RGS20: variants seen among roughly 807,000 people sequenced by gnomAD.
The protein encoded by RGS20 is gz-selective GTPase-activating protein.
A neutral mutation model predicts 33.6 loss-of-function variants in RGS20; 30 were observed. The ratio of observed to expected loss-of-function variants is 0.89; its 90% CI spans 0.67 to 1.21. The LOEUF is 1.21. RGS20 is among the 50% of genes most tolerant of loss of function. The pLI, the probability that RGS20 is intolerant of heterozygous loss-of-function variation, is 0.00. For missense variants in RGS20, 472 were observed against 502.4 expected, an observed-to-expected ratio of 0.94 and a Z score of 0.58; for synonymous variants, 208 against 197.9, an observed-to-expected ratio of 1.05 and a Z score of -0.43.
At chr8:53,902,309 T>A (rs1346721089) in intron 2 of RGS20, among the ~76,000 whole-genome samples, 1 of 152,214 alleles carries the variant, frequency 6.6e-6, no homozygotes, top group African/African-American at 2.4e-5. Context: ...CCCATTCTAC[T>A]ATTGATGAAC....
chr8:53,895,508 C>T (rs925379838), intron 2 of RGS20, among the ~76,000 whole-genome samples: 2 of 152,168 alleles, frequency 1.3e-5, no homozygotes, highest in African/African-American at 2.4e-5. Context: ...ATCTGCGCTT[C>T]CTTTTCTCAA....
At chr8:53,951,820 C>T (rs1431114456) in intron 4 of RGS20, among the ~76,000 whole-genome samples, 1 of 151,944 alleles carries the variant, frequency 6.6e-6, no homozygotes, top group East Asian at 2.0e-4. Flanking sequence ...AGTTTGAGGC[C>T]AGCCTGGCCA....
intron 2 of RGS20, among the ~76,000 whole-genome samples, chr8:53,888,512 G>A (rs1443283383): frequency 6.6e-6 from 1 of 152,130 alleles, no homozygotes; most frequent in Non-Finnish European, 1.5e-5. Flanking sequence ...ATTGAGGGGG[G>A]CTGTCCATTG....
intron 2 of RGS20, among the ~76,000 whole-genome samples, chr8:53,897,507 T>C (rs999530142): frequency 6.6e-6 from 1 of 152,258 alleles, no homozygotes; most frequent in African/African-American, 2.4e-5. Flanking sequence ...TATCTTTTAC[T>C]AAGCATACTT....
chr8:53,853,126 C>A (rs950494656), intron 1 of RGS20, among the ~76,000 whole-genome samples: 24 of 152,126 alleles, frequency 1.6e-4, no homozygotes, highest in African/African-American at 5.8e-4. Context: ...AATTAATGGA[C>A]ATCTTAATGT....
Position 53,880,982 on chromosome 8 carries a change from G to C in RGS20, c.510+1380G>C, listed in dbSNP as rs780622131. On this transcript the variant is annotated intron_variant, in intron 2 of 5. Transcript: ENST00000297313. ...GCCGACGTAGAGAGGGCAGCCCTCCGCGCTGCAATATTGAGAAGGCACCCG... is the reference window on the plus strand; with the variant it reads ...GCCGACGTAGAGAGGGCAGCCCTCCCCGCTGCAATATTGAGAAGGCACCCG... The C allele has an allele frequency of 2.5e-6, 4 of 1,590,150 alleles. No individual in the cohort carries two copies. The East Asian group carries it at 9.0e-5, about 36-fold the overall frequency.
chr8:53,873,938 C>T (rs998102167), intron 1 of RGS20, among the ~76,000 whole-genome samples: 7 of 152,158 alleles, frequency 4.6e-5, no homozygotes, highest in Non-Finnish European at 7.3e-5. Flanking sequence ...GTGGCTCACA[C>T]CTGTAATCCC....
intron 2 of RGS20, among the ~76,000 whole-genome samples, chr8:53,886,131 C>T (rs1467409264): frequency 6.6e-6 from 1 of 152,190 alleles, no homozygotes; most frequent in African/African-American, 2.4e-5. Flanking sequence ...CACTCTGAGT[C>T]AGAGCTTAGC....
intron 3 of RGS20, among the ~76,000 whole-genome samples, chr8:53,941,825 C>T (rs1471230828): frequency 6.6e-6 from 1 of 152,170 alleles, no homozygotes; most frequent in Admixed American, 6.5e-5. Flanking sequence ...ACTGATAGGA[C>T]TTTCTCAGTT....
intron 2 of RGS20, among the ~76,000 whole-genome samples, chr8:53,912,646 T>G (rs1813376576): frequency 2.0e-5 from 3 of 152,192 alleles, no homozygotes; most frequent in Non-Finnish European, 4.4e-5. Flanking sequence ...AACTGAACAT[T>G]TTTTCATAGG....
chr8:53,856,922 G>A (rs145090285), intron 1 of RGS20, among the ~76,000 whole-genome samples: 547 of 152,260 alleles, frequency 3.6e-3, no homozygotes, highest in South Asian at 0.011. Context: ...GCACCAAAGG[G>A]CAGCTACAAA....
intron 2 of RGS20, among the ~76,000 whole-genome samples, chr8:53,903,149 C>T (rs1720678398): frequency 6.6e-6 from 1 of 152,184 alleles, no homozygotes; most frequent in Non-Finnish European, 1.5e-5. Flanking sequence ...GCTGTGTTAT[C>T]AATATGGTAC....
intron 2 of RGS20, among the ~76,000 whole-genome samples, chr8:53,927,526 C>T (rs1020561971): frequency 6.6e-6 from 1 of 152,036 alleles, no homozygotes; most frequent in Admixed American, 6.6e-5. Flanking sequence ...TTTGAAATCC[C>T]ACACATGTTA....
At chr8:53,876,165 A>T (rs1480071112) in intron 1 of RGS20, 2 of 152,242 alleles carry the variant, frequency 1.3e-5, no homozygotes, top group Admixed American at 1.3e-4. Flanking sequence ...TTGAACTGTG[A>T]CTTTAATTCT....
intron 2 of RGS20, among the ~76,000 whole-genome samples, chr8:53,887,952 C>CT (rs1047756317): frequency 2.5e-4 from 38 of 151,854 alleles, no homozygotes; most frequent in African/African-American, 7.7e-4. Context: ...GCCCTCCAGC[C>CT]TGGGCAACAG....
At chr8:53,895,431 C>T (rs747522359) in intron 2 of RGS20, among the ~76,000 whole-genome samples, 31 of 152,088 alleles carry the variant, frequency 2.0e-4, no homozygotes, top group Middle Eastern at 3.2e-3. Context: ...TACTGTGGTA[C>T]GCTAAATGAT....
intron 1 of RGS20, among the ~76,000 whole-genome samples, chr8:53,874,387 T>C (rs946752884): frequency 2.7e-5 from 4 of 147,944 alleles, no homozygotes; most frequent in Non-Finnish European, 5.9e-5. Context: ...TGTGTGTGTG[T>C]GTGTGTGTGT....
intron 2 of RGS20, among the ~76,000 whole-genome samples, chr8:53,935,601 A>T (rs1032982066): frequency 1.1e-4 from 16 of 152,190 alleles, no homozygotes; most frequent in African/African-American, 3.9e-4. Context: ...TCTAAAATTG[A>T]GGCAGTAATT....
chr8:53,854,373 A>G (rs1811629500), intron 1 of RGS20, among the ~76,000 whole-genome samples: 1 of 152,228 alleles, frequency 6.6e-6, no homozygotes, highest in African/African-American at 2.4e-5. Flanking sequence ...CTCAAAACTC[A>G]AAAGTAAAAG....
Sources: allele counts gnomAD v4.1 joint callset (sites outside exome capture counted in the v4.1 genomes callset), GRCh38; gene constraint gnomAD v4.1.1; transcripts MANE v1.5; gene names NCBI Gene and HGNC (gene_info 2026-07-23, HGNC 2026-07-21).